Variants in NUP93 observed in about 807,000 individuals in gnomAD.
The protein encoded by NUP93 is nuclear pore complex protein Nup93.
A neutral mutation model predicts 107.8 loss-of-function variants in NUP93; 55 were observed. That is an observed-to-expected ratio of 0.51 (90% CI 0.41 to 0.64). NUP93 has a LOEUF of 0.64. Among genes scored for constraint, NUP93 ranks in the 30% least tolerant of loss-of-function variants. The pLI is 0.00. For synonymous variants in NUP93, 390 were observed against 397.5 expected (o/e 0.98, Z 0.22); for missense variants, 937 against 1,044.7 (o/e 0.90, Z 1.42).
At chr16:56,770,080 G>A (rs1217182214) in intron 3 of NUP93, among the ~76,000 whole-genome samples, 1 of 152,220 alleles carries the variant, frequency 6.6e-6, no homozygotes, top group Non-Finnish European at 1.5e-5. Context: ...AACACCTGAT[G>A]TCTTGCAAAC....
intron 1 of NUP93, among the ~76,000 whole-genome samples, chr16:56,744,242 TG>T (rs1961784867): frequency 1.3e-5 from 2 of 152,198 alleles, no homozygotes; most frequent in Admixed American, 6.5e-5. Context: ...TCATTTTAAT[TG>T]TTTCTGCTGG....
chr16:56,768,462 C>T (rs1053902571), intron 3 of NUP93, among the ~76,000 whole-genome samples: 1 of 152,020 alleles, frequency 6.6e-6, no homozygotes, highest in Non-Finnish European at 1.5e-5. Flanking sequence ...ACTCGGGAGG[C>T]TGAGGCAGGA....
In NUP93 at chr16:56,798,523, A is replaced by G; in HGVS notation, c.345A>G (p.Glu115=). 6.2e-7 allele frequency: 1 copy of G among 1,614,116 alleles called. No homozygotes were observed. The highest frequency in any genetic ancestry group is 8.5e-7 in the Non-Finnish European group (1 of 1,179,962). The change falls in exon 4 of 22, where the codon GAA becomes GAG. Residue 115 remains glutamate (E), a synonymous_variant. Coordinates refer to ENST00000308159, the MANE Select transcript of NUP93 (RefSeq NM_014669.5). ...EKDNALLSAI[E]ESRKRTFGMA... ...ACAATGCCCTGCTGTCTGCCATCGA[A>G]GAGTCCCGGAAGAGGGTAAGAAAAT... is the stretch of plus-strand genomic sequence containing the variant.
Position 56,844,632 on chromosome 16 carries a change from G to A in NUP93, c.*23G>A. On this transcript the variant is annotated 3_prime_UTR_variant, in exon 22 of 22. Transcript: ENST00000308159. ...TAAGTGCCATGCTTTGTGGGAGTCT[G>A]GGTCGGCACACTGTCAGTACATCAG... is the stretch of plus-strand genomic sequence containing the variant. 1 of 1,527,956 alleles carries A rather than the reference G, an allele frequency of 6.5e-7. No individual in the cohort carries two copies. Among genetic ancestry groups the A allele is most frequent in the Non-Finnish European group, 8.9e-7 (1 of 1,117,576 alleles). 94.6% of individuals were successfully genotyped at this position (1,527,956 alleles called of 1,614,324 possible).
chr16:56,847,667 C>T lies in NUP93; in HGVS notation c.*3058C>T, dbSNP rs1209189391. ...AACAGCAACAAAAAACTCTTTGACT[C>T]CCCAACTTCAGAGGGAAAACTGAAG... is the stretch of plus-strand genomic sequence containing the variant. On this transcript the variant is annotated 3_prime_UTR_variant, in exon 22 of 22. Coordinates refer to ENST00000308159, the MANE Select transcript of NUP93 (RefSeq NM_014669.5). 6.6e-6 allele frequency: 1 copy of T among 152,188 alleles called. No individual in the cohort carries two copies. Among genetic ancestry groups the T allele is most frequent in the Non-Finnish European group, 1.5e-5 (1 of 68,026 alleles). 9.4% of individuals were successfully genotyped at this position (152,188 alleles called of 1,614,324 possible).
At chr16:56,839,749 A>G (rs962428485) in intron 20 of NUP93, 145 bp downstream of exon 20, 8 of 681,870 alleles carry the variant, frequency 1.2e-5, no homozygotes, top group Admixed American at 7.3e-5. Context: ...CCTTTCAGAT[A>G]CCTTGGCCTG....
rs371592422 is a variant in NUP93, at chr16:56,836,555, T to C, written c.1783-46T>C. ...CTCTGTGTTTAAAATAATAGCTCTGTGCACCCGTCTCTCTCTTCCTCCCCC... is the reference window on the plus strand; with the variant it reads ...CTCTGTGTTTAAAATAATAGCTCTGCGCACCCGTCTCTCTCTTCCTCCCCC... On this transcript the variant is annotated intron_variant, in intron 16 of 21. Transcript: ENST00000308159. The C allele has an allele frequency of 8.8e-6, 10 of 1,130,252 alleles. No homozygotes were observed. In the African/African-American group the frequency reaches 1.2e-4, roughly 14 times the overall value. 70.0% of individuals were successfully genotyped at this position (1,130,252 alleles called of 1,614,324 possible).
At chr16:56,770,927 C>T (rs1388852864) in intron 3 of NUP93, among the ~76,000 whole-genome samples, 5 of 151,520 alleles carry the variant, frequency 3.3e-5, no homozygotes, top group African/African-American at 1.2e-4. Flanking sequence ...AAGAAAAAAA[C>T]ACGTGACCCT....
At chr16:56,754,163 C>T (rs530995251) in intron 2 of NUP93, among the ~76,000 whole-genome samples, 2 of 151,908 alleles carry the variant, frequency 1.3e-5, no homozygotes, top group Non-Finnish European at 2.9e-5. Flanking sequence ...CTTAAACAAC[C>T]AAATCTTATG....
chr16:56,769,518 C>A (rs1350568217), intron 3 of NUP93, among the ~76,000 whole-genome samples: 1 of 152,126 alleles, frequency 6.6e-6, no homozygotes, highest in Non-Finnish European at 1.5e-5. Flanking sequence ...CCATAGTTTT[C>A]TGCTTGCTGA....
intron 20 of NUP93, among the ~76,000 whole-genome samples, chr16:56,841,487 C>T (rs548464182): frequency 6.6e-6 from 1 of 152,230 alleles, no homozygotes; most frequent in Non-Finnish European, 1.5e-5. Context: ...GGAGCAGGAA[C>T]AGTAACCACC....
chr16:56,767,029 A>G (rs1264429514), intron 3 of NUP93, among the ~76,000 whole-genome samples: 5 of 152,192 alleles, frequency 3.3e-5, no homozygotes, highest in Non-Finnish European at 7.3e-5. Context: ...CTCAGCTTCC[A>G]TCTTGCACTT....
Position 56,830,608 on chromosome 16 carries a change from G to GGTA in NUP93, c.1011_1013dup (p.Val338dup). On this transcript the variant is annotated inframe_insertion, in exon 10 of 22. Transcript: ENST00000308159. The stretch of plus-strand genomic sequence containing the variant: ...GTGGAGACCTGCTTGCCGCTTCACA[G>GGTA]GTAGTTAATCGAGCCCAGCACCAGC... 1 of 1,611,076 alleles carries GGTA rather than the reference G, an allele frequency of 6.2e-7. No individual in the cohort carries two copies. Among genetic ancestry groups the GGTA allele is most frequent in the East Asian group, 2.2e-5 (1 of 44,808 alleles).
chr16:56,730,340 A>C (rs529894732), intron 1 of NUP93, 129 bp downstream of exon 1: 4 of 152,332 alleles, frequency 2.6e-5, no homozygotes, highest in African/African-American at 9.6e-5. Context: ...TCCTCATGGC[A>C]GCCGGGCACG....
chr16:56,751,418 ATTTC>A (rs1325574233), intron 2 of NUP93, among the ~76,000 whole-genome samples: 11 of 152,284 alleles, frequency 7.2e-5, no homozygotes, highest in African/African-American at 2.4e-4. Flanking sequence ...GCATTATATA[ATTTC>A]TTTTTAAAAT....
chr16:56,757,651 T>C (rs1962050474), intron 2 of NUP93, among the ~76,000 whole-genome samples: 1 of 152,332 alleles, frequency 6.6e-6, no homozygotes, highest in East Asian at 1.9e-4. Flanking sequence ...ATTATTCCCA[T>C]TTCTCTTCAA....
At chr16:56,751,233 C>T (rs1597105210) in intron 2 of NUP93, among the ~76,000 whole-genome samples, 1 of 152,120 alleles carries the variant, frequency 6.6e-6, no homozygotes, top group Non-Finnish European at 1.5e-5. Context: ...TCCAACGTAA[C>T]CAATGTTATT....
chr16:56,787,318 G>A (rs1238114402), intron 3 of NUP93, among the ~76,000 whole-genome samples: 2 of 152,244 alleles, frequency 1.3e-5, no homozygotes, highest in Non-Finnish European at 2.9e-5. Context: ...TGCATAGCAG[G>A]AGGAGCTGTG....
In NUP93 at chr16:56,829,112, A is replaced by G; in HGVS notation, c.927+3A>G. The G allele has an allele frequency of 6.2e-7, 1 of 1,610,674 alleles. No individual in the cohort carries two copies. The highest frequency in any genetic ancestry group is 8.5e-7 in the Non-Finnish European group (1 of 1,179,190). ...CAGCTCCCTTGCCTGGACTACAGGT[A>G]CTGACAACTTTCTCTGTGTGATCAG... On this transcript the variant is annotated splice_donor_region_variant and intron_variant, in intron 9 of 21. Transcript: ENST00000308159.
Sources: allele counts gnomAD v4.1 joint callset (sites outside exome capture counted in the v4.1 genomes callset), GRCh38; gene constraint gnomAD v4.1.1; transcripts MANE v1.5; gene names NCBI Gene and HGNC (gene_info 2026-07-23, HGNC 2026-07-21).